Variants in SLC18A1 observed in about 807,000 individuals in gnomAD.
SLC18A1 encodes chromaffin granule amine transporter.
SLC18A1 carries 69 observed loss-of-function variants against 53.7 expected under a neutral mutation model. The observed-to-expected ratio is 1.28, with a 90% confidence interval of 1.06 to 1.57. The LOEUF (loss-of-function observed/expected upper bound fraction) is 1.57. SLC18A1 is among the 40% of genes most tolerant of loss of function. The pLI is 0.00. For synonymous variants in SLC18A1, 320 were observed against 248.1 expected, an observed-to-expected ratio of 1.29 and a Z score of -2.72; for missense variants, 932 against 668.1, an observed-to-expected ratio of 1.40 and a Z score of -4.35.
chr8:20,172,894 T>C (rs73608337), intron 6 of SLC18A1, 142 bp downstream of exon 6: 5 of 654,192 alleles, frequency 7.6e-6, no homozygotes, highest in Non-Finnish European at 1.3e-5. Flanking sequence ...AAATTTAACC[T>C]TTTCTCAGTG....
Position 20,147,314 on chromosome 8 carries a change from C to T in SLC18A1, c.1408G>A (p.Val470Ile), listed in dbSNP as rs201904218. The T allele has an allele frequency of 1.5e-4, 239 of 1,613,652 alleles. No individual in the cohort carries two copies. The highest frequency in any genetic ancestry group is 7.3e-4 in the Admixed American group (44 of 59,960). ...AGGTAGTAGCAGAGTGGAGCATAGA[C>T]GATGTTGATGACCCCAGTGATGACC... ...LMVITGVINI[V>I]YAPLCYYLRS... Residue 470 changes from valine to isoleucine, a missense_variant, in exon 15 of 16, where the codon GTC becomes ATC. Transcript: ENST00000276373.
At chr8:20,176,894 C>A (rs537057182) in intron 4 of SLC18A1, among the ~76,000 whole-genome samples, 1 of 152,156 alleles carries the variant, frequency 6.6e-6, no homozygotes, top group Non-Finnish European at 1.5e-5. Context: ...CATGCTAAAA[C>A]GTCTCAGATC....
intron 4 of SLC18A1, among the ~76,000 whole-genome samples, chr8:20,176,365 G>A (rs541377520): frequency 2.0e-5 from 3 of 152,242 alleles, no homozygotes; most frequent in African/African-American, 7.2e-5. Context: ...AGATGCTGGT[G>A]TCATGCTTCT....
intron 8 of SLC18A1, among the ~76,000 whole-genome samples, chr8:20,167,772 C>T (rs56222539): frequency 0.28 from 42,035 of 151,224 alleles, 6,912 homozygotes; most frequent in Non-Finnish European, 0.37. Flanking sequence ...AGGCACCCAC[C>T]GCCACGCCTG....
chr8:20,150,823 G>GGCAT, intron 10 of SLC18A1, 79 bp from the exon 11 acceptor site: 2 of 1,268,998 alleles, frequency 1.6e-6, no homozygotes, highest in Non-Finnish European at 2.3e-6. Context: ...AGACACTGAA[G>GGCAT]TCCACCCCTG....
rs1244610855 is a variant in SLC18A1, at chr8:20,145,166, C to A, written c.*597G>T. The A allele has an allele frequency of 6.6e-6, 1 of 151,664 alleles. No individual in the cohort carries two copies. The highest frequency in any genetic ancestry group is 2.1e-4 in the South Asian group (1 of 4,786). The allele number at this position is 151,664 out of a possible 1,614,324, so 9.4% of individuals were successfully genotyped here. A position where few individuals can be genotyped will look rare whatever the true frequency, so the allele number is the denominator to read the frequency against. On this transcript the variant is annotated 3_prime_UTR_variant, in exon 16 of 16. Coordinates refer to ENST00000276373, the MANE Select transcript of SLC18A1 (RefSeq NM_003053.4). ...GACACTTTTCACTGAGGGTAAAGCC[C>A]TTTTAGCAGCTCTAGATTTAGCCAC...
intron 10 of SLC18A1, among the ~76,000 whole-genome samples, chr8:20,161,622 A>G (rs890070074): frequency 2.0e-5 from 3 of 152,258 alleles, no homozygotes; most frequent in Non-Finnish European, 4.4e-5. Context: ...ACTTTCAAAA[A>G]TAATGGTGGA....
intron 4 of SLC18A1, among the ~76,000 whole-genome samples, chr8:20,178,150 A>ACACACACACACC (rs762729684): frequency 6.7e-6 from 1 of 148,156 alleles, no homozygotes; most frequent in African/African-American, 2.5e-5. Flanking sequence ...ACACACACAC[A>ACACACACACACC]CCCCGTAGCA....
intron 2 of SLC18A1, 48 bp downstream of exon 2, chr8:20,180,793 T>A: frequency 6.2e-7 from 1 of 1,610,064 alleles, no homozygotes; most frequent in Non-Finnish European, 8.5e-7. Flanking sequence ...CACTGCCTGC[T>A]GGGGCCCACA....
chr8:20,180,138 G>A (rs890782240), intron 2 of SLC18A1, among the ~76,000 whole-genome samples: 43 of 152,050 alleles, frequency 2.8e-4, no homozygotes, highest in Middle Eastern at 3.4e-3. Flanking sequence ...GTGTGTGTGT[G>A]TGTGTTTCCC....
At position 20,145,802 on chromosome 8, in the gene SLC18A1, C is replaced by A. The variant is rs912979302; in HGVS notation, c.1539G>T (p.Leu513=). 6.2e-7 allele frequency: 1 copy of A among 1,612,378 alleles called. No individual in the cohort carries two copies. The highest frequency in any genetic ancestry group is 1.3e-5 in the African/African-American group (1 of 75,012). The part of the protein sequence containing the change: ...ATQKPTKEFP[L]GEDSDEEPDH... ...CAGGCTCCTCATCACTGTCCTCCCC[C>A]AGAGGAAATTCCTTCGTGGGCTTCT... The change falls in exon 16 of 16, where the codon CTG becomes CTT. Residue 513 remains leucine (L), a synonymous_variant. Transcript: ENST00000276373.
intron 10 of SLC18A1, among the ~76,000 whole-genome samples, chr8:20,160,543 A>T (rs988230122): frequency 6.6e-6 from 1 of 152,132 alleles, no homozygotes; most frequent in Non-Finnish European, 1.5e-5. Context: ...AATGGTTTAA[A>T]GTAAAATTGT....
In SLC18A1 at chr8:20,171,410, T is replaced by A. The variant is rs201615820; in HGVS notation, c.809A>T (p.Asp270Val). Residue 270 changes from aspartate to valine, a missense_variant, in exon 7 of 16, where the codon GAT becomes GTT. Asp to Val is a radical substitution (Grantham distance 152). Transcript: ENST00000276373. ...FLILAFLALL[D>V]GALQLCILQP... is the part of the protein sequence containing the mutation. ...AGGCTCTGATGGTGACTTACCTCCA[T>A]CCAGTAGTGCCAGGAAGGCCAGGAT... The A allele has an allele frequency of 1.9e-4, 304 of 1,613,706 alleles. 1 individual carries two copies. In the East Asian group the frequency reaches 6.4e-3, roughly 34 times the overall value.
At chr8:20,168,038 C>T (rs955782647) in intron 8 of SLC18A1, among the ~76,000 whole-genome samples, 3 of 151,906 alleles carry the variant, frequency 2.0e-5, no homozygotes, top group East Asian at 1.9e-4. Context: ...ATTTTTGTAT[C>T]GAAAAGTAAA....
chr8:20,178,377 A>G (rs2128880087), intron 4 of SLC18A1, 58 bp downstream of exon 4: 1 of 1,394,098 alleles, frequency 7.2e-7, no homozygotes, highest in Non-Finnish European at 1.0e-6. Context: ...CACCGCATTC[A>G]CTTGATAAAA....
chr8:20,162,089 C>T (rs1212257551), intron 10 of SLC18A1, among the ~76,000 whole-genome samples: 2 of 152,230 alleles, frequency 1.3e-5, no homozygotes, highest in Non-Finnish European at 2.9e-5. Flanking sequence ...CAGGCCACAT[C>T]TGGGCCCACT....
At chr8:20,164,262 C>T (rs1465302013) in intron 10 of SLC18A1, among the ~76,000 whole-genome samples, 2 of 152,068 alleles carry the variant, frequency 1.3e-5, no homozygotes, top group African/African-American at 2.4e-5. Flanking sequence ...CTCTCTAAGT[C>T]GCTGCATGAA....
intron 8 of SLC18A1, 136 bp downstream of exon 8, chr8:20,170,967 G>A: frequency 2.5e-6 from 2 of 806,432 alleles, no homozygotes; most frequent in South Asian, 1.7e-5. Flanking sequence ...CCCTATCCTG[G>A]AATCCAAACA....
At chr8:20,177,943 T>C (rs1353971861) in intron 4 of SLC18A1, among the ~76,000 whole-genome samples, 1 of 152,238 alleles carries the variant, frequency 6.6e-6, no homozygotes, top group Non-Finnish European at 1.5e-5. Context: ...TTTTCTAAGC[T>C]TAACCTTTAA....
Sources: gnomAD v4.1 joint callset for allele counts (sites outside exome capture counted in the v4.1 genomes callset) on GRCh38, gnomAD v4.1.1 for gene constraint, MANE v1.5 for transcripts, NCBI Gene and HGNC (gene_info 2026-07-23, HGNC 2026-07-21) for gene names.